HPSE2: variants seen among roughly 807,000 people sequenced by gnomAD.
HPSE2 encodes the protein inactive heparanase-2.
In HPSE2, 38 loss-of-function variants were observed where a neutral mutation model predicts 60.5. The observed-to-expected ratio is 0.63, with a 90% CI of 0.48 to 0.82. The LOEUF (loss-of-function observed/expected upper bound fraction) is 0.82. HPSE2 is among the 40% of genes least tolerant of loss of function. The probability of loss-of-function intolerance (pLI) is 0.00; values close to 1 mark genes in which losing one functional copy is unlikely to be tolerated. For synonymous variants in HPSE2, 295 were observed against 293.2 expected (o/e 1.01, Z -0.06); for missense variants, 713 against 740.4 (o/e 0.96, Z 0.43).
chr10:99,159,591 A>G (rs55757175), intron 2 of HPSE2, among the ~76,000 whole-genome samples: 74,913 of 152,050 alleles, frequency 0.49, 20,940 homozygotes, highest in East Asian at 0.65. Flanking sequence ...TTGTAAGTCT[A>G]AAGTTATTTC....
intron 3 of HPSE2, among the ~76,000 whole-genome samples, chr10:98,754,187 C>T (rs1949824963): frequency 6.6e-6 from 1 of 152,138 alleles, no homozygotes; most frequent in African/African-American, 2.4e-5. Flanking sequence ...AGTTGAAAAA[C>T]TCACTACAAA....
intron 9 of HPSE2, among the ~76,000 whole-genome samples, chr10:98,523,179 G>T (rs918352692): frequency 6.6e-6 from 1 of 152,162 alleles, no homozygotes; most frequent in African/African-American, 2.4e-5. Context: ...TTGTGGGTGA[G>T]TGACAGGAAC....
intron 9 of HPSE2, among the ~76,000 whole-genome samples, chr10:98,580,660 T>C (rs1226066642): frequency 6.6e-6 from 1 of 151,948 alleles, no homozygotes; most frequent in Non-Finnish European, 1.5e-5. Flanking sequence ...AACCAACTTA[T>C]TGGATCAACA....
intron 2 of HPSE2, among the ~76,000 whole-genome samples, chr10:99,210,088 G>C (rs908521704): frequency 6.6e-6 from 1 of 152,068 alleles, no homozygotes. Context: ...TGAAACAGGA[G>C]GCATTACAAC....
chr10:98,957,907 A>G (rs1955550185), intron 3 of HPSE2, among the ~76,000 whole-genome samples: 1 of 152,210 alleles, frequency 6.6e-6, no homozygotes, highest in South Asian at 2.1e-4. Context: ...GCAATAAAAT[A>G]AACAGCTCAA....
At position 98,696,292 on chromosome 10, in the gene HPSE2, T is replaced by TAAAAA. The variant is rs71009706; in HGVS notation, c.957-2350_957-2346dup. On this transcript the variant is annotated intron_variant, in intron 5 of 11. Transcript: ENST00000370552. ...AAGCAGAGATGATCAGAGGCTCCCA[T>TAAAAA]AAAAAAAAAAAAAAAAAAAAAAAAA... 4.3e-4 allele frequency among the ~76,000 whole-genome samples: 39 copies of TAAAAA among 89,656 alleles called. 2 individuals carry two copies. Among genetic ancestry groups the TAAAAA allele is most frequent in the African/African-American group, 1.4e-3 (34 of 24,328 alleles). The allele number at this position is 89,656 out of a possible 152,430, so 58.8% of individuals were successfully genotyped here.
At chr10:99,295,340 C>T in the HPSE2 span, among the ~76,000 whole-genome samples, 1 of 53,994 alleles carries the variant, frequency 1.9e-5, no homozygotes, top group African/African-American at 1.0e-4. Flanking sequence ...TAAAATACTG[C>T]CTCTCAGGAG....
In HPSE2 at chr10:98,536,705, A is replaced by G. The variant is rs556384804; in HGVS notation, c.1321-46509T>C. 2.6e-5 allele frequency among the ~76,000 whole-genome samples: 4 copies of G among 152,228 alleles called. No homozygotes were observed. The South Asian group carries it at 8.3e-4, about 32-fold the overall frequency. On this transcript the variant is annotated intron_variant, in intron 9 of 11. Transcript: ENST00000370552. ...CGTCTAAAGCTTTAAGTACATATTC[A>G]CTGTCTCACCCATGCACACACATGC...
intron 3 of HPSE2, among the ~76,000 whole-genome samples, chr10:99,117,081 G>C (rs978082669): frequency 6.6e-6 from 1 of 151,830 alleles, no homozygotes; most frequent in South Asian, 2.1e-4. Flanking sequence ...AAAAGCCAGA[G>C]AATACCTTTT....
At chr10:98,649,323 C>T (rs1277530505) in intron 6 of HPSE2, among the ~76,000 whole-genome samples, 2 of 152,108 alleles carry the variant, frequency 1.3e-5, no homozygotes, top group South Asian at 2.1e-4. Context: ...TTCTTATTTG[C>T]TAGCTATTTT....
chr10:98,597,473 T>G (rs1318875007), intron 9 of HPSE2, among the ~76,000 whole-genome samples: 1 of 150,852 alleles, frequency 6.6e-6, no homozygotes, highest in Non-Finnish European at 1.5e-5. Flanking sequence ...GAGACCAGCC[T>G]TGTCAACATG....
At chr10:98,982,230 G>C (rs754851574) in intron 3 of HPSE2, among the ~76,000 whole-genome samples, 2 of 152,040 alleles carry the variant, frequency 1.3e-5, no homozygotes, top group Non-Finnish European at 2.9e-5. Context: ...AACTGCTATG[G>C]AATTTACCCA....
At chr10:98,663,726 C>A (rs1378534790) in intron 6 of HPSE2, among the ~76,000 whole-genome samples, 1 of 152,172 alleles carries the variant, frequency 6.6e-6, no homozygotes. Context: ...GGCCTCTAGA[C>A]TGATACAGAG....
chr10:98,910,840 G>A (rs546682391), intron 3 of HPSE2, among the ~76,000 whole-genome samples: 1 of 152,240 alleles, frequency 6.6e-6, no homozygotes, highest in South Asian at 2.1e-4. Context: ...AATTTTTAAG[G>A]TATTAAGGCA....
At chr10:98,594,556 G>A (rs1945179302) in intron 9 of HPSE2, among the ~76,000 whole-genome samples, 1 of 152,060 alleles carries the variant, frequency 6.6e-6, no homozygotes, top group Non-Finnish European at 1.5e-5. Context: ...TGTGGTATTT[G>A]TCTTTGTGTG....
intron 9 of HPSE2, among the ~76,000 whole-genome samples, chr10:98,506,959 T>C (rs1942222810): frequency 1.3e-5 from 2 of 152,210 alleles, no homozygotes; most frequent in South Asian, 4.1e-4. Flanking sequence ...AGGTAAAGCA[T>C]GTGACATAGG....
At chr10:99,253,365 C>A in the HPSE2 span, among the ~76,000 whole-genome samples, 1 of 151,972 alleles carries the variant, frequency 6.6e-6, no homozygotes, top group African/African-American at 2.4e-5. Flanking sequence ...ACAAAGTTAA[C>A]AACAACAAAA....
At chr10:98,788,662 A>T (rs1208624700) in intron 3 of HPSE2, among the ~76,000 whole-genome samples, 1 of 152,134 alleles carries the variant, frequency 6.6e-6, no homozygotes, top group Non-Finnish European at 1.5e-5. Flanking sequence ...CTGTTTCTTA[A>T]GCCGGTCTGA....
At chr10:99,247,813 C>T in the HPSE2 span, among the ~76,000 whole-genome samples, 1 of 152,164 alleles carries the variant, frequency 6.6e-6, no homozygotes, top group Non-Finnish European at 1.5e-5. Flanking sequence ...TTCCCCTTTT[C>T]TGTTCTCATG....
Sources: gnomAD v4.1 joint callset for allele counts (sites outside exome capture counted in the v4.1 genomes callset) on GRCh38, gnomAD v4.1.1 for gene constraint, MANE v1.5 for transcripts, NCBI Gene and HGNC (gene_info 2026-07-23, HGNC 2026-07-21) for gene names.